Variants in KCNK2 observed in about 807,000 individuals in gnomAD.
KCNK2 encodes the protein potassium channel subfamily K member 2.
A neutral mutation model predicts 40.5 loss-of-function variants in KCNK2; 21 were observed. The observed-to-expected ratio is 0.52, with a 90% CI of 0.37 to 0.75. The LOEUF (loss-of-function observed/expected upper bound fraction) is 0.75, where lower values mean the gene tolerates loss of function less well. Ranked by LOEUF, KCNK2 falls within the 30% of genes least tolerant of loss-of-function variation. The probability of loss-of-function intolerance (pLI) is 0.00; values close to 1 mark genes in which losing one functional copy is unlikely to be tolerated. For synonymous variants in KCNK2, 191 were observed against 202.2 expected, an observed-to-expected ratio of 0.94 and a Z score of 0.47; for missense variants, 399 against 531.6, an observed-to-expected ratio of 0.75 and a Z score of 2.45.
chr1:215,050,076 C>A (rs1038465069), intron 1 of KCNK2, among the ~76,000 whole-genome samples: 2 of 152,054 alleles, frequency 1.3e-5, no homozygotes, highest in African/African-American at 2.4e-5. Context: ...TGTATTAAAC[C>A]TATAGATCAA....
At position 215,083,192 on chromosome 1, in the gene KCNK2, G is replaced by GCTCCCCCCCCCCCCCCCCCCCCC; in HGVS notation, c.-183_-182insCCCCCCCCCCCCCTCCCCCCCCC. The GCTCCCCCCCCCCCCCCCCCCCCC allele has an allele frequency of 1.0e-6, 1 of 959,182 alleles. No homozygotes were observed. The highest frequency in any genetic ancestry group is 1.5e-6 in the Non-Finnish European group (1 of 647,964). The allele number at this position is 959,182 out of a possible 1,614,324, so 59.4% of individuals were successfully genotyped here. On this transcript the variant is annotated 5_prime_UTR_variant, in exon 1 of 7. Transcript: ENST00000444842. ...TTCCCGCGATTTCGTTTCTTCTCACGCTCCCCCCCCCGCCCCCTCCCGCGT... is the reference window on the plus strand; with the variant it reads ...TTCCCGCGATTTCGTTTCTTCTCACGCTCCCCCCCCCCCCCCCCCCCCCCTCCCCCCCCCGCCCCCTCCCGCGT...
At chr1:215,205,490 G>A (rs548174871) in intron 6 of KCNK2, among the ~76,000 whole-genome samples, 5 of 152,158 alleles carry the variant, frequency 3.3e-5, no homozygotes, top group East Asian at 1.9e-4. Context: ...TGATCCACCC[G>A]CCTCGGCCTC....
In KCNK2 at chr1:215,114,992, C is replaced by G. The variant is rs953791901; in HGVS notation, c.358-9641C>G. On this transcript the variant is annotated intron_variant, in intron 2 of 6. Transcript: ENST00000444842. ...AAATTGTGTTAACTGGTTACTTTGT[C>G]AGGTGTGTGTGTGTGTGTGTGTGTG... Among the ~76,000 whole-genome samples, 7 of 75,800 alleles carry G rather than the reference C, an allele frequency of 9.2e-5. No homozygotes were observed. The East Asian group carries it at 3.8e-3, about 41-fold the overall frequency. 49.7% of individuals were successfully genotyped at this position (75,800 alleles called of 152,430 possible).
chr1:215,114,730 G>A (rs1238773392), intron 2 of KCNK2, among the ~76,000 whole-genome samples: 1 of 152,082 alleles, frequency 6.6e-6, no homozygotes, highest in Non-Finnish European at 1.5e-5. Flanking sequence ...CATAATGTTA[G>A]CAAGTCATTA....
chr1:215,085,228 T>G (rs1170263547), intron 1 of KCNK2, among the ~76,000 whole-genome samples: 1 of 152,238 alleles, frequency 6.6e-6, no homozygotes, highest in Non-Finnish European at 1.5e-5. Flanking sequence ...GCAAGTTTAC[T>G]GAAATCTGTA....
chr1:215,162,506 C>G (rs1663246199), intron 3 of KCNK2, among the ~76,000 whole-genome samples: 1 of 152,060 alleles, frequency 6.6e-6, no homozygotes, highest in African/African-American at 2.4e-5. Flanking sequence ...ATGCCTATGT[C>G]CTGAATGGTA....
intron 1 of KCNK2, among the ~76,000 whole-genome samples, chr1:215,039,494 A>G (rs777013959): frequency 2.6e-5 from 4 of 152,270 alleles, no homozygotes; most frequent in Non-Finnish European, 5.9e-5. Context: ...GCCAAATAAC[A>G]TAGTATTGGA....
chr1:215,020,836 C>T (rs1183372637), intron 1 of KCNK2, among the ~76,000 whole-genome samples: 1 of 152,110 alleles, frequency 6.6e-6, no homozygotes, highest in African/African-American at 2.4e-5. Flanking sequence ...TACATTCTCG[C>T]CATATACTGT....
chr1:215,082,424 C>G (rs1165968026), upstream of KCNK2, among the ~76,000 whole-genome samples: 1 of 152,074 alleles, frequency 6.6e-6, no homozygotes, highest in East Asian at 1.9e-4. Flanking sequence ...GGTCCCACAC[C>G]CGGTCCCACA....
intron 5 of KCNK2, among the ~76,000 whole-genome samples, chr1:215,186,564 C>T (rs1664447526): frequency 6.6e-6 from 1 of 152,070 alleles, no homozygotes; most frequent in Non-Finnish European, 1.5e-5. Context: ...AGTGATGAAT[C>T]AAAAGCATTT....
At chr1:215,224,674 C>G (rs1558147686) in intron 6 of KCNK2, among the ~76,000 whole-genome samples, 1 of 152,060 alleles carries the variant, frequency 6.6e-6, no homozygotes, top group South Asian at 2.1e-4. Flanking sequence ...AGGAAACTTA[C>G]AAAAGTGAAA....
intron 3 of KCNK2, among the ~76,000 whole-genome samples, chr1:215,140,848 A>G (rs1341831267): frequency 6.6e-6 from 1 of 152,142 alleles, no homozygotes; most frequent in African/African-American, 2.4e-5. Context: ...TTAGCTTTCC[A>G]TAACTGTTTT....
chr1:215,021,655 C>T (rs1275222460), intron 1 of KCNK2, among the ~76,000 whole-genome samples: 1 of 150,782 alleles, frequency 6.6e-6, no homozygotes, highest in Non-Finnish European at 1.5e-5. Flanking sequence ...ATGCCATTCT[C>T]CTGCCTCAGC....
At chr1:215,138,610 C>T (rs921559953) in intron 3 of KCNK2, among the ~76,000 whole-genome samples, 6 of 151,906 alleles carry the variant, frequency 3.9e-5, no homozygotes, top group African/African-American at 1.2e-4. Flanking sequence ...AATAATTAGC[C>T]GAGCATGGTG....
intron 1 of KCNK2, among the ~76,000 whole-genome samples, chr1:215,026,558 T>A (rs1434504535): frequency 6.6e-6 from 1 of 152,032 alleles, no homozygotes; most frequent in Admixed American, 6.5e-5. Context: ...TATCCAATTC[T>A]AATGTATACA....
At chr1:215,101,984 A>T (rs142351858) in intron 2 of KCNK2, among the ~76,000 whole-genome samples, 317 of 152,080 alleles carry the variant, frequency 2.1e-3, no homozygotes, top group African/African-American at 7.3e-3. Context: ...TATTTTTAAA[A>T]TTTTTTGAGT....
chr1:215,152,879 G>A (rs577472650), intron 3 of KCNK2, among the ~76,000 whole-genome samples: 24 of 152,072 alleles, frequency 1.6e-4, no homozygotes, highest in Non-Finnish European at 3.2e-4. Flanking sequence ...ATTCTAGAAG[G>A]GTCTATACCA....
chr1:215,102,269 T>C (rs1660255189), intron 2 of KCNK2, among the ~76,000 whole-genome samples: 1 of 152,038 alleles, frequency 6.6e-6, no homozygotes, highest in Admixed American at 6.6e-5. Context: ...GTGATATGGA[T>C]GATCCTAAAC....
intron 6 of KCNK2, among the ~76,000 whole-genome samples, chr1:215,201,558 C>T (rs577400878): frequency 6.6e-6 from 1 of 152,092 alleles, no homozygotes; most frequent in African/African-American, 2.4e-5. Flanking sequence ...GCATGGAGAC[C>T]AGTTAGGAAT....
Sources: allele counts gnomAD v4.1 joint callset (sites outside exome capture counted in the v4.1 genomes callset), GRCh38; gene constraint gnomAD v4.1.1; transcripts MANE v1.5; gene names NCBI Gene and HGNC (gene_info 2026-07-23, HGNC 2026-07-21).